KIAA1217: variants seen among roughly 807,000 people sequenced by gnomAD.
The protein encoded by KIAA1217 is sickle tail protein homolog.
KIAA1217 carries 88 observed loss-of-function variants against 163.9 expected under a neutral mutation model. The ratio of observed to expected loss-of-function variants is 0.54; its 90% CI spans 0.45 to 0.64. The LOEUF is 0.64. KIAA1217 is among the 30% of genes least tolerant of loss of function. The pLI, the probability that KIAA1217 is intolerant of heterozygous loss-of-function variation, is 0.00. For missense variants in KIAA1217, 2,372 were observed against 2,475.0 expected, an observed-to-expected ratio of 0.96 and a Z score of 0.88; for synonymous variants, 903 against 923.1, an observed-to-expected ratio of 0.98 and a Z score of 0.39.
At chr10:24,295,378 A>G (rs2040467073) in intron 2 of KIAA1217, among the ~76,000 whole-genome samples, 1 of 152,224 alleles carries the variant, frequency 6.6e-6, no homozygotes, top group African/African-American at 2.4e-5. Flanking sequence ...TGGGAAACTC[A>G]GATATAAATA....
At chr10:23,976,591 A>G (rs978344451) in intron 1 of KIAA1217, among the ~76,000 whole-genome samples, 4 of 152,154 alleles carry the variant, frequency 2.6e-5, no homozygotes, top group African/African-American at 9.7e-5. Context: ...TACCTCCTAT[A>G]TTCTCTGCAG....
intron 1 of KIAA1217, among the ~76,000 whole-genome samples, chr10:23,966,585 T>C (rs777484803): frequency 1.3e-5 from 2 of 152,198 alleles, no homozygotes; most frequent in Non-Finnish European, 2.9e-5. Flanking sequence ...ATGAAGCAGA[T>C]GTATGAAGCT....
chr10:24,495,701 C>T (rs529314565), intron 8 of KIAA1217, among the ~76,000 whole-genome samples: 26 of 152,206 alleles, frequency 1.7e-4, no homozygotes, highest in Non-Finnish European at 2.8e-4. Flanking sequence ...GTGAAGCCAT[C>T]GGAAGGTTGT....
intron 2 of KIAA1217, among the ~76,000 whole-genome samples, chr10:24,035,256 A>G (rs1848344099): frequency 6.6e-6 from 1 of 152,168 alleles, no homozygotes; most frequent in Admixed American, 6.5e-5. Flanking sequence ...ATGACTTAGG[A>G]CAGTGTTGGG....
intron 2 of KIAA1217, among the ~76,000 whole-genome samples, chr10:24,251,566 G>A (rs1028645349): frequency 2.6e-5 from 4 of 152,114 alleles, no homozygotes; most frequent in African/African-American, 9.7e-5. Context: ...GAAACATTGA[G>A]TTCCGATTCC....
chr10:24,494,998 T>C (rs183938495), intron 7 of KIAA1217, 149 bp from the exon 8 acceptor site: 68 of 658,350 alleles, frequency 1.0e-4, no homozygotes, highest in Non-Finnish European at 1.6e-4. Flanking sequence ...TTTTCCATCC[T>C]GGCCAATTGT....
At chr10:23,893,942 C>T (rs1841546633) in intron 1 of KIAA1217, among the ~76,000 whole-genome samples, 1 of 151,944 alleles carries the variant, frequency 6.6e-6, no homozygotes. Flanking sequence ...TTCAACAACC[C>T]TTCATGCTAA....
intron 2 of KIAA1217, among the ~76,000 whole-genome samples, chr10:24,312,980 G>A (rs2042904802): frequency 6.6e-6 from 1 of 152,046 alleles, no homozygotes; most frequent in Non-Finnish European, 1.5e-5. Flanking sequence ...CAAGCACATA[G>A]GACTCAATGA....
intron 1 of KIAA1217, among the ~76,000 whole-genome samples, chr10:23,774,220 T>C (rs1834916232): frequency 6.6e-6 from 1 of 152,216 alleles, no homozygotes; most frequent in South Asian, 2.1e-4. Context: ...TAAAGATGTG[T>C]CTCACTTTCC....
At chr10:24,314,040 A>G (rs1040750758) in intron 2 of KIAA1217, among the ~76,000 whole-genome samples, 33 of 151,942 alleles carry the variant, frequency 2.2e-4, no homozygotes, top group African/African-American at 7.3e-4. Flanking sequence ...GGGTTTCTCT[A>G]TGTTGGTCAG....
intron 1 of KIAA1217, among the ~76,000 whole-genome samples, chr10:23,798,646 C>T (rs888077253): frequency 6.6e-6 from 1 of 152,072 alleles, no homozygotes; most frequent in African/African-American, 2.4e-5. Flanking sequence ...TTGTGTGTCT[C>T]CTAAAACTAG....
chr10:23,775,551 T>C (rs1479258924), intron 1 of KIAA1217, among the ~76,000 whole-genome samples: 2 of 152,234 alleles, frequency 1.3e-5, no homozygotes, highest in East Asian at 1.9e-4. Context: ...CACTCCTCCG[T>C]CCCCAAGTCA....
At chr10:24,479,537 C>G (rs767788440) in intron 6 of KIAA1217, among the ~76,000 whole-genome samples, 1 of 152,174 alleles carries the variant, frequency 6.6e-6, no homozygotes, top group Non-Finnish European at 1.5e-5. Context: ...AACCTCTGTA[C>G]TGTTGTCAGT....
intron 1 of KIAA1217, among the ~76,000 whole-genome samples, chr10:23,838,958 T>C (rs16923962): frequency 0.048 from 7,372 of 152,212 alleles, 559 homozygotes; most frequent in African/African-American, 0.16. Flanking sequence ...ATACAGGATT[T>C]TTTCCCTTTC....
chr10:23,768,629 A>G (rs745933302), intron 1 of KIAA1217, among the ~76,000 whole-genome samples: 3 of 152,338 alleles, frequency 2.0e-5, no homozygotes, highest in Admixed American at 6.5e-5. Flanking sequence ...TTTTAAAGAC[A>G]TAGGGGAGAA....
At chr10:24,450,889 C>A (rs913852661) in intron 5 of KIAA1217, among the ~76,000 whole-genome samples, 4 of 152,154 alleles carry the variant, frequency 2.6e-5, no homozygotes, top group African/African-American at 9.7e-5. Flanking sequence ...AGCTTCAGGT[C>A]TGTAATCAAA....
chr10:23,785,733 CA>C (rs1261425167), intron 1 of KIAA1217, among the ~76,000 whole-genome samples: 1 of 145,866 alleles, frequency 6.9e-6, no homozygotes. Context: ...AAGGATTCAT[CA>C]AGAGTAAGGT....
chr10:23,993,532 G>A (rs1164659526), intron 1 of KIAA1217, among the ~76,000 whole-genome samples: 1 of 127,200 alleles, frequency 7.9e-6, no homozygotes, highest in Non-Finnish European at 1.6e-5. Context: ...GAGTCCAAGA[G>A]TTTGGCTCTC....
chr10:24,129,783 T>C (rs1328026158), intron 2 of KIAA1217, among the ~76,000 whole-genome samples: 1 of 152,188 alleles, frequency 6.6e-6, no homozygotes, highest in Non-Finnish European at 1.5e-5. Flanking sequence ...CAGTGGACCA[T>C]CCACTTCTCA....
Sources: allele counts gnomAD v4.1 joint callset (sites outside exome capture counted in the v4.1 genomes callset), GRCh38; gene constraint gnomAD v4.1.1; transcripts MANE v1.5; gene names NCBI Gene and HGNC (gene_info 2026-07-23, HGNC 2026-07-21).